The following RANBP3 variants were observed in gnomAD, a reference collection of about 807,000 sequenced individuals.
RANBP3 encodes the protein ran-binding protein 3.
RANBP3 carries 14 observed loss-of-function variants against 77.3 expected under a neutral mutation model. The ratio of observed to expected loss-of-function variants is 0.18; its 90% CI spans 0.12 to 0.28. The LOEUF (loss-of-function observed/expected upper bound fraction) is 0.28, where lower values mean the gene tolerates loss of function less well. RANBP3 is among the 10% of genes least tolerant of loss of function. The probability of loss-of-function intolerance (pLI) is 1.00; values close to 1 mark genes in which losing one functional copy is unlikely to be tolerated. For synonymous variants in RANBP3, 315 were observed against 312.4 expected, an observed-to-expected ratio of 1.01 and a Z score of -0.09; for missense variants, 586 against 752.3, an observed-to-expected ratio of 0.78 and a Z score of 2.59.
At position 5,933,444 on chromosome 19, in the gene RANBP3, T is replaced by C. The variant is rs1449823847; in HGVS notation, c.442A>G (p.Thr148Ala). 1 of 1,613,282 alleles carries C rather than the reference T, an allele frequency of 6.2e-7. No homozygotes were observed. Among genetic ancestry groups the C allele is most frequent in the Non-Finnish European group, 8.5e-7 (1 of 1,179,854 alleles). The change falls in exon 6 of 17, where the codon ACG becomes GCG. Residue 148 changes from threonine to alanine, a missense_variant. Transcript: ENST00000340578. ...CTGGGGGCTTGGCCGTGGATCAGCG[T>C]TGGTGGCTTCAACCGGAAGCCACTG... The part of the protein sequence containing the change: ...RSSGFRLKPP[T>A]LIHGQAPSAG...
At chr19:5,922,856 C>T (rs760064423) in intron 13 of RANBP3, among the ~76,000 whole-genome samples, 2 of 152,218 alleles carry the variant, frequency 1.3e-5, no homozygotes, top group Non-Finnish European at 2.9e-5. Context: ...ACAAGAATCC[C>T]TTGAACCCAG....
chr19:5,918,335 G>A (rs1407172097), intron 15 of RANBP3, 161 bp downstream of exon 15: 9 of 785,756 alleles, frequency 1.1e-5, no homozygotes, highest in African/African-American at 1.7e-5. Flanking sequence ...TATTCCTGAA[G>A]GCTGGGACTG....
intron 15 of RANBP3, 38 bp from the exon 16 acceptor site, chr19:5,918,018 G>A (rs766246053): frequency 3.3e-6 from 5 of 1,537,862 alleles, no homozygotes; most frequent in Middle Eastern, 1.8e-4. Context: ...CCGGACCCCA[G>A]TCCTACCCCC....
At chr19:5,968,762 C>A (rs769271051) in intron 1 of RANBP3, among the ~76,000 whole-genome samples, 7 of 152,338 alleles carry the variant, frequency 4.6e-5, no homozygotes, top group Middle Eastern at 3.4e-3. Context: ...GCAGCCAAGC[C>A]TTGCTCTCAC....
chr19:5,929,645 A>G (rs887466243), intron 8 of RANBP3, among the ~76,000 whole-genome samples: 1 of 152,156 alleles, frequency 6.6e-6, no homozygotes, highest in Non-Finnish European at 1.5e-5. Context: ...GAGTTCCCCC[A>G]TGGGTCGCCC....
intron 7 of RANBP3, among the ~76,000 whole-genome samples, 190 bp from the exon 8 acceptor site, chr19:5,931,721 A>C (rs2145084422): frequency 6.6e-6 from 1 of 152,284 alleles, no homozygotes; most frequent in Admixed American, 6.5e-5. Context: ...TTTAAAAAAA[A>C]ACAAGAGAAA....
chr19:5,934,792 A>G lies in RANBP3; in HGVS notation c.407-1313T>C, dbSNP rs185753289. Reference sequence around the variant, plus strand: ...GAGGTTACAGTTGAGTTACGACTGTACCACTGCACTCCAGCCTGGGCGACA... The same window carrying G: ...GAGGTTACAGTTGAGTTACGACTGTGCCACTGCACTCCAGCCTGGGCGACA... On this transcript the variant is annotated intron_variant, in intron 5 of 16. Transcript: ENST00000340578. 2.5e-3 allele frequency among the ~76,000 whole-genome samples: 374 copies of G among 152,342 alleles called. 2 individuals are homozygous for G. The highest frequency in any genetic ancestry group is 4.5e-3 in the Non-Finnish European group (306 of 68,030).
At chr19:5,939,450 T>C (rs1242286247) in intron 5 of RANBP3, among the ~76,000 whole-genome samples, 2 of 152,204 alleles carry the variant, frequency 1.3e-5, no homozygotes, top group Non-Finnish European at 2.9e-5. Flanking sequence ...CCCACACCAA[T>C]TGCTTTTCCT....
At chr19:5,953,317 CAT>C (rs1320756304) in intron 2 of RANBP3, among the ~76,000 whole-genome samples, 1 of 152,196 alleles carries the variant, frequency 6.6e-6, no homozygotes, top group Non-Finnish European at 1.5e-5. Context: ...AGTTTTTCAA[CAT>C]GTCTGGTAAA....
At position 5,951,436 on chromosome 19, in the gene RANBP3, G is replaced by A. The variant is rs1331668715; in HGVS notation, c.239C>T (p.Ala80Val). ...AAAAGGAGGAAGCTGGGCTTCAGGA[G>A]CGGGAGGCGGAGGAGTGCTGGCTGA... ...GASASTPPPP[A>V]PEAQLPPFPR... Residue 80 changes from alanine to valine, a missense_variant, in exon 3 of 17, where the codon GCT (alanine) becomes GTT (valine). By Grantham distance (64) the Ala-to-Val change is moderately conservative (BLOSUM62 0). Around this residue, in one of 5 missense-constraint regions of RANBP3, gnomAD observed 172 missense variants for 183.4 expected, o/e 0.94. Transcript: ENST00000340578. The A allele has an allele frequency of 1.3e-6, 2 of 1,590,584 alleles. No individual in the cohort carries two copies. The highest frequency in any genetic ancestry group is 3.5e-5 in the Admixed American group (2 of 56,726).
intron 1 of RANBP3, among the ~76,000 whole-genome samples, chr19:5,962,421 C>CGT (rs2058415354): frequency 7.0e-6 from 1 of 142,320 alleles, no homozygotes; most frequent in Non-Finnish European, 1.6e-5. Flanking sequence ...AGTGGGGCCT[C>CGT]GTCTGTTCCG....
Position 5,923,846 on chromosome 19 carries a change from A to G in RANBP3, c.1065T>C (p.Ser355=). The change falls in exon 12 of 17, where the codon TCT becomes TCC. Residue 355 remains serine, a synonymous_variant. Transcript: ENST00000340578. ...NRENAAAESG[S]ESSSQEATPE... is the part of the protein sequence containing the mutation. ...GGGTGGCCTCCTGGGACGAGGACTC[A>G]GACCCTGACTCGGCAGCTGCATTTT... 6.2e-7 allele frequency: 1 copy of G among 1,614,150 alleles called. No homozygotes were observed. Among genetic ancestry groups the G allele is most frequent in the Non-Finnish European group, 8.5e-7 (1 of 1,180,010 alleles).
At chr19:5,949,175 G>C (rs1339628059) in intron 3 of RANBP3, among the ~76,000 whole-genome samples, 2 of 152,224 alleles carry the variant, frequency 1.3e-5, no homozygotes, top group African/African-American at 4.8e-5. Context: ...TAACATGGGG[G>C]TGGTTTCCTG....
chr19:5,963,300 C>G (rs1460284028), intron 1 of RANBP3, among the ~76,000 whole-genome samples: 1 of 152,176 alleles, frequency 6.6e-6, no homozygotes, highest in African/African-American at 2.4e-5. Flanking sequence ...TGTTTGTAAT[C>G]CCAGCACTTG....
chr19:5,924,715 A>G lies in RANBP3; in HGVS notation c.996+112T>C, dbSNP rs2057877724. The G allele has an allele frequency of 9.2e-7, 1 of 1,084,678 alleles. No homozygotes were observed. Among genetic ancestry groups the G allele is most frequent in the Non-Finnish European group, 1.4e-6 (1 of 707,934 alleles). 67.2% of individuals were successfully genotyped at this position (1,084,678 alleles called of 1,614,324 possible). ...CCCTCTCTCACTTGCTACTGAAGGC[A>G]TCCCCATCTCACATAGGACGACACA... On this transcript the variant is annotated intron_variant, in intron 11 of 16. Transcript: ENST00000340578. This position sits in a 1 kb window ranked among gnomAD's most constrained non-coding sequence, Gnocchi z 4.7.
At chr19:5,965,822 G>GTCAC (rs2058461235) in intron 1 of RANBP3, 1 of 151,876 alleles carries the variant, frequency 6.6e-6, no homozygotes, top group Admixed American at 6.6e-5. Context: ...TTTCATATAC[G>GTCAC]TGGCCAGCGT....
chr19:5,926,305 G>C (rs908828684), intron 9 of RANBP3, among the ~76,000 whole-genome samples: 1 of 152,154 alleles, frequency 6.6e-6, no homozygotes, highest in African/African-American at 2.4e-5. Context: ...CCAGCACTTT[G>C]GGAGGCTGAG....
At position 5,931,450 on chromosome 19, in the gene RANBP3, G is replaced by T. The variant is rs769781924; in HGVS notation, c.647C>A (p.Ala216Glu). 2 of 1,612,916 alleles carry T rather than the reference G, an allele frequency of 1.2e-6. No individual in the cohort carries two copies. Among genetic ancestry groups the T allele is most frequent in the Non-Finnish European group, 1.7e-6 (2 of 1,179,656 alleles). ...GGCAGCTTCGGAAGGACTTCTCCAT[G>T]CAGCAGTGTCAGGGGATGCTGCGGG... is the stretch of plus-strand genomic sequence containing the variant. The part of the protein sequence containing the change: ...AVPAASPDTA[A>E]WRSPSEAADE... Residue 216 changes from alanine (A) to glutamate (E), a missense_variant, in exon 8 of 17, where the codon GCA (alanine) becomes GAA (glutamate). By Grantham distance (107) the Ala-to-Glu change is moderately radical (BLOSUM62 -1). Around this residue, in one of 5 missense-constraint regions of RANBP3, gnomAD observed 232 missense variants for 271.7 expected, o/e 0.85. Coordinates refer to ENST00000340578, the MANE Select transcript of RANBP3 (RefSeq NM_007322.3).
chr19:5,951,527 G>T lies in RANBP3; in HGVS notation c.148C>A (p.His50Asn), dbSNP rs374475250. The T allele has an allele frequency of 3.7e-6, 6 of 1,612,236 alleles. No individual in the cohort carries two copies. The African/African-American group carries it at 4.0e-5, about 11-fold the overall frequency. ...GCTGACTCGGGGTGACCCGTGCCAT[G>T]GTGGGGGGCCTCAGCCTCCCCCCGA... ...EPRGEAEAPH[H>N]GTGHPESAGE... The change falls in exon 3 of 17, where the codon CAT becomes AAT. Residue 50 changes from histidine to asparagine, a missense_variant. Transcript: ENST00000340578.
Sources: allele counts gnomAD v4.1 joint callset (sites outside exome capture counted in the v4.1 genomes callset), GRCh38; gene constraint gnomAD v4.1.1; regional missense constraint gnomAD v4.1.1; non-coding constraint Gnocchi (gnomAD v3.1); transcripts MANE v1.5; gene names NCBI Gene and HGNC (gene_info 2026-07-23, HGNC 2026-07-21).